Variants in TENM2 observed in about 807,000 individuals in gnomAD.
The protein encoded by TENM2 is teneurin-2.
Under a neutral mutation model 245.2 loss-of-function variants are expected in TENM2, and 52 were observed. That is an observed-to-expected ratio of 0.21 (90% confidence interval 0.17 to 0.27). The LOEUF (loss-of-function observed/expected upper bound fraction) is 0.27. TENM2 is among the 10% of genes least tolerant of loss of function. The probability of loss-of-function intolerance (pLI) is 1.00; values close to 1 mark genes in which losing one functional copy is unlikely to be tolerated. For missense variants in TENM2, 3,046 were observed against 3,666.8 expected (o/e 0.83, Z 4.37); for synonymous variants, 1,363 against 1,438.9 (o/e 0.95, Z 1.19).
chr5:168,125,247 G>A (rs1795764118), intron 11 of TENM2, among the ~76,000 whole-genome samples, 197 bp downstream of exon 13: 1 of 152,128 alleles, frequency 6.6e-6, no homozygotes, highest in African/African-American at 2.4e-5. Context: ...AAAAAGCACT[G>A]GGTTGGTACC....
chr5:168,125,195 T>C, intron 11 of TENM2, 145 bp downstream of exon 13: 1 of 747,348 alleles, frequency 1.3e-6, no homozygotes, highest in Non-Finnish European at 2.2e-6. Flanking sequence ...TCTCATTCTC[T>C]TCTCCTCAAT....
chr5:167,186,411 G>A, the TENM2 span, among the ~76,000 whole-genome samples: 1 of 152,176 alleles, frequency 6.6e-6, no homozygotes, highest in Non-Finnish European at 1.5e-5. Context: ...GATTTCTAAT[G>A]TCATACAGAT....
intron 2 of TENM2, among the ~76,000 whole-genome samples, chr5:167,379,945 A>C (rs78782539): frequency 2.0e-5 from 3 of 150,982 alleles, no homozygotes; most frequent in East Asian, 1.9e-4. Context: ...AAAAAAAAAA[A>C]CCCAGAACAA....
the TENM2 span, among the ~76,000 whole-genome samples, chr5:167,139,282 C>T: frequency 6.6e-6 from 1 of 152,202 alleles, no homozygotes; most frequent in African/African-American, 2.4e-5. Context: ...TCAACATTTC[C>T]TTCACTGATA....
intron 2 of TENM2, among the ~76,000 whole-genome samples, chr5:167,474,326 G>A (rs1767228667): frequency 6.6e-6 from 1 of 151,910 alleles, no homozygotes; most frequent in Non-Finnish European, 1.5e-5. Context: ...ACCTAATATA[G>A]GTGTTCAGAG....
chr5:167,506,611 T>C (rs749258145), intron 2 of TENM2, among the ~76,000 whole-genome samples: 81 of 152,204 alleles, frequency 5.3e-4, no homozygotes, highest in Admixed American at 2.0e-4. Context: ...ATAGAATTCA[T>C]TTGATATAAT....
the TENM2 span, among the ~76,000 whole-genome samples, chr5:167,122,635 CAAAT>C: frequency 2.6e-5 from 4 of 152,240 alleles, no homozygotes; most frequent in Middle Eastern, 3.4e-3. Flanking sequence ...ATACCTAACT[CAAAT>C]GAATGACTAA....
intron 2 of TENM2, among the ~76,000 whole-genome samples, chr5:167,513,624 C>T (rs1770119372): frequency 6.6e-6 from 1 of 152,132 alleles, no homozygotes; most frequent in African/African-American, 2.4e-5. Context: ...AGCAGGTGCG[C>T]TTGACAGGAT....
the TENM2 span, among the ~76,000 whole-genome samples, chr5:167,091,665 T>A: frequency 6.6e-6 from 1 of 152,224 alleles, no homozygotes; most frequent in Non-Finnish European, 1.5e-5. Flanking sequence ...TAGTAAATGC[T>A]TATGAATGTA....
At chr5:167,377,213 A>AT (rs1760806474) in intron 2 of TENM2, among the ~76,000 whole-genome samples, 1 of 152,072 alleles carries the variant, frequency 6.6e-6, no homozygotes, top group African/African-American at 2.4e-5. Context: ...TAGTAGTTTC[A>AT]TTTTTTTCAT....
chr5:168,227,752 T>C (rs1461379247), intron 24 of TENM2, 143 bp from the exon 27 acceptor site: 2 of 578,356 alleles, frequency 3.5e-6, no homozygotes, highest in African/African-American at 3.7e-5. Context: ...GGTATGTATG[T>C]GTGCTAATTG....
chr5:167,063,069 A>G, the TENM2 span, among the ~76,000 whole-genome samples: 3 of 152,254 alleles, frequency 2.0e-5, no homozygotes, highest in East Asian at 3.9e-4. Context: ...GAAATGTCCA[A>G]TTGGTGGACA....
intron 2 of TENM2, among the ~76,000 whole-genome samples, chr5:167,609,186 G>A (rs1458877073): frequency 6.6e-6 from 1 of 152,030 alleles, no homozygotes; most frequent in Non-Finnish European, 1.5e-5. Context: ...AACCTTCAGA[G>A]TGGGCCAGTC....
intron 9 of TENM2, among the ~76,000 whole-genome samples, chr5:168,114,841 A>C (rs1447272971): frequency 6.6e-6 from 1 of 152,156 alleles, no homozygotes; most frequent in Admixed American, 6.5e-5. Flanking sequence ...TCTGTGACCT[A>C]TTTTTTATAT....
chr5:167,237,322 A>C, the TENM2 span, among the ~76,000 whole-genome samples: 1 of 152,148 alleles, frequency 6.6e-6, no homozygotes, highest in Non-Finnish European at 1.5e-5. Context: ...GAATATTCAT[A>C]TTTCATCAAT....
chr5:167,635,788 G>A (rs1779170157), intron 2 of TENM2, among the ~76,000 whole-genome samples: 1 of 151,680 alleles, frequency 6.6e-6, no homozygotes, highest in South Asian at 2.1e-4. Context: ...GGGACTACAG[G>A]CGCCTGCCAC....
chr5:168,025,622 A>G (rs1029730011), intron 5 of TENM2, among the ~76,000 whole-genome samples: 3 of 152,240 alleles, frequency 2.0e-5, no homozygotes, highest in Non-Finnish European at 4.4e-5. Flanking sequence ...GTTTCCTTCC[A>G]TGTTCTCTTG....
intron 13 of TENM2, among the ~76,000 whole-genome samples, chr5:168,181,951 A>G (rs1327079249): frequency 1.3e-5 from 2 of 151,912 alleles, no homozygotes; most frequent in Non-Finnish European, 2.9e-5. Flanking sequence ...TGCTGGGATT[A>G]CCGGCGTGAG....
chr5:167,673,012 C>T (rs1756066418), intron 2 of TENM2, among the ~76,000 whole-genome samples: 1 of 151,866 alleles, frequency 6.6e-6, no homozygotes, highest in Admixed American at 6.6e-5. Context: ...CCCTCCAACC[C>T]CCAAAACACA....
Sources: gnomAD v4.1 joint callset for allele counts (sites outside exome capture counted in the v4.1 genomes callset) on GRCh38, gnomAD v4.1.1 for gene constraint, MANE v1.5 for transcripts, NCBI Gene and HGNC (gene_info 2026-07-23, HGNC 2026-07-21) for gene names.